Variants in VIPR1 observed in about 807,000 individuals in gnomAD.
VIPR1 encodes the protein vasoactive intestinal peptide receptor 1.
A neutral mutation model predicts 58.8 loss-of-function variants in VIPR1; 59 were observed. The observed-to-expected ratio is 1.00, with a 90% CI of 0.81 to 1.25. The LOEUF is 1.25. Ranked by LOEUF, VIPR1 falls within the 50% of genes most tolerant of loss-of-function variation. The pLI is 0.00. For synonymous variants in VIPR1, 251 were observed against 242.1 expected (o/e 1.04, Z -0.34); for missense variants, 626 against 602.7 (o/e 1.04, Z -0.40).
At chr3:42,510,508 G>C (rs984618044) in intron 1 of VIPR1, among the ~76,000 whole-genome samples, 3 of 152,190 alleles carry the variant, frequency 2.0e-5, no homozygotes, top group Admixed American at 2.0e-4. Context: ...ATAAGGACTA[G>C]AGGGAGCTGC....
Position 42,536,269 on chromosome 3 carries a change from C to T in VIPR1, c.1362C>T (p.Val454=). The change falls in exon 13 of 13, where the codon GTC becomes GTT. Residue 454 remains valine, a synonymous_variant. Transcript: ENST00000325123. ...ARRSSSFQAE[V]SLV ...GCTCCTCCAGCTTCCAAGCCGAAGTCTCCCTGGTCTGACCACCAGGATCCC... is the reference window on the plus strand; with the variant it reads ...GCTCCTCCAGCTTCCAAGCCGAAGTTTCCCTGGTCTGACCACCAGGATCCC... The T allele has an allele frequency of 6.4e-7, 1 of 1,565,890 alleles. No homozygotes were observed. The highest frequency in any genetic ancestry group is 1.2e-5 in the South Asian group (1 of 85,998).
In VIPR1 at chr3:42,525,927, G is replaced by A. The variant is rs34664814; in HGVS notation, c.333G>A (p.Thr111=). The A allele has an allele frequency of 3.1e-3, 5,069 of 1,613,520 alleles. 85 individuals are homozygous for A. The African/African-American group carries it at 0.048, about 15-fold the overall frequency. Reference sequence around the variant, plus strand: ...GCAGCTGCACCGACGAAGGCTGGACGCACCTGGAGCCTGGCCCGTACCCCA... The same window carrying A: ...GCAGCTGCACCGACGAAGGCTGGACACACCTGGAGCCTGGCCCGTACCCCA... ...VSRSCTDEGW[T]HLEPGPYPIA... Residue 111 remains threonine (T), a synonymous_variant, in exon 4 of 13, where the codon ACG becomes ACA. Transcript: ENST00000325123.
rs1701918887 is a variant in VIPR1 at position 42,537,532 on chromosome 3, T to A, written c.*1251T>A. 6.6e-6 allele frequency: 1 copy of A among 152,256 alleles called. No homozygotes were observed. Among genetic ancestry groups the A allele is most frequent in the African/African-American group, 2.4e-5 (1 of 41,446 alleles). The allele number at this position is 152,256 out of a possible 1,614,324, so 9.4% of individuals were successfully genotyped here. A position where few individuals can be genotyped will look rare whatever the true frequency, so the allele number is the denominator to read the frequency against. ...CTCTGCCAGAAGATCCCCTCAGGAC[T>A]GCAACAGGCTTGTGCAACAATAAAT... is the stretch of plus-strand genomic sequence containing the variant. On this transcript the variant is annotated 3_prime_UTR_variant, in exon 13 of 13. Coordinates refer to ENST00000325123, the MANE Select transcript of VIPR1 (RefSeq NM_004624.4).
intron 4 of VIPR1, 98 bp from the exon 5 acceptor site, chr3:42,527,295 G>C: frequency 3.5e-5 from 40 of 1,131,128 alleles, no homozygotes; most frequent in Non-Finnish European, 5.1e-5. Flanking sequence ...AGGCAGGGTT[G>C]GGCAGGCAGA....
At chr3:42,527,069 C>T (rs1391895187) in intron 4 of VIPR1, among the ~76,000 whole-genome samples, 2 of 152,148 alleles carry the variant, frequency 1.3e-5, no homozygotes, top group Admixed American at 6.5e-5. Flanking sequence ...AAGCCGGGCA[C>T]ATGGCTGGAG....
chr3:42,522,329 G>A (rs1449960582), intron 3 of VIPR1, among the ~76,000 whole-genome samples: 3 of 151,332 alleles, frequency 2.0e-5, no homozygotes, highest in Non-Finnish European at 2.9e-5. Context: ...GGATGGTCTC[G>A]ATCTCCTGAC....
At chr3:42,517,315 T>A (rs1340994708) in intron 2 of VIPR1, among the ~76,000 whole-genome samples, 1 of 152,254 alleles carries the variant, frequency 6.6e-6, no homozygotes, top group East Asian at 1.9e-4. Flanking sequence ...GGACCTGAGC[T>A]GGGCTGGGCT....
intron 6 of VIPR1, chr3:42,530,174 G>A (rs1701459178): frequency 6.5e-6 from 1 of 153,606 alleles, no homozygotes; most frequent in Non-Finnish European, 1.5e-5. Context: ...GGATGGGCAG[G>A]TTGGTGGATG....
upstream of VIPR1, among the ~76,000 whole-genome samples, chr3:42,498,733 C>A (rs1451683901): frequency 6.6e-6 from 1 of 152,134 alleles, no homozygotes; most frequent in Non-Finnish European, 1.5e-5. Flanking sequence ...AATCCCACAC[C>A]CAAGCAGTGC....
At chr3:42,513,882 T>C in intron 2 of VIPR1, 28 bp downstream of exon 2, 11 of 1,544,894 alleles carry the variant, frequency 7.1e-6, no homozygotes, top group Non-Finnish European at 9.6e-6. Context: ...AGAGAGGGGC[T>C]GCATGCCCCC....
At chr3:42,528,302 T>G in intron 6 of VIPR1, 179 bp downstream of exon 6, 6 of 748,856 alleles carry the variant, frequency 8.0e-6, no homozygotes, top group Non-Finnish European at 9.8e-6. Context: ...CAAATCACAC[T>G]CCCCTCCGGC....
At chr3:42,517,498 G>C (rs746842241) in intron 2 of VIPR1, among the ~76,000 whole-genome samples, 17 of 152,316 alleles carry the variant, frequency 1.1e-4, no homozygotes, top group Admixed American at 7.2e-4. Context: ...GATGGCATTT[G>C]CATGTGCCTA....
chr3:42,490,458 C>T (rs572847752), intron 1 of VIPR1, among the ~76,000 whole-genome samples: 1 of 152,308 alleles, frequency 6.6e-6, no homozygotes, highest in South Asian at 2.1e-4. Context: ...GCGAGAGAGG[C>T]GTGCATAGCT....
At chr3:42,496,229 C>CA (rs1169064479) in intron 1 of VIPR1, among the ~76,000 whole-genome samples, 7 of 151,024 alleles carry the variant, frequency 4.6e-5, no homozygotes, top group Admixed American at 4.0e-4. Flanking sequence ...GACTCCGTCT[C>CA]AAAAAAAAAG....
chr3:42,513,016 G>A (rs1245170450), intron 1 of VIPR1: 5 of 960,672 alleles, frequency 5.2e-6, no homozygotes, highest in Non-Finnish European at 6.2e-6. Context: ...GGGAGGGGAA[G>A]AGGAGAAGCT....
rs185592723 is a variant in VIPR1 at position 42,517,257 on chromosome 3, C to T, written c.185-1966C>T. 4.6e-3 allele frequency among the ~76,000 whole-genome samples: 700 copies of T among 152,374 alleles called. 6 individuals carry two copies. Among genetic ancestry groups the T allele is most frequent in the African/African-American group, 0.016 (659 of 41,596 alleles). ...GGCTCTTCCCCAAGTAAACACATCCCTCCACCTCCTCTTCCCAGACCCCCT... is the reference window on the plus strand; with the variant it reads ...GGCTCTTCCCCAAGTAAACACATCCTTCCACCTCCTCTTCCCAGACCCCCT... On this transcript the variant is annotated intron_variant, in intron 2 of 12. Transcript: ENST00000325123.
chr3:42,492,123 C>T (rs1248369187), intron 1 of VIPR1, among the ~76,000 whole-genome samples: 1 of 151,922 alleles, frequency 6.6e-6, no homozygotes, highest in Admixed American at 6.6e-5. Flanking sequence ...CTCCCAACTC[C>T]CTCCTCCCCT....
chr3:42,525,320 T>G (rs533565773), intron 3 of VIPR1, among the ~76,000 whole-genome samples: 1 of 152,214 alleles, frequency 6.6e-6, no homozygotes, highest in Admixed American at 6.5e-5. Flanking sequence ...TGCCATGCTG[T>G]GCTGCCTGAT....
chr3:42,522,101 A>ATATATATATATATATATATATATTTT (rs1419353370), intron 3 of VIPR1, among the ~76,000 whole-genome samples: 1 of 35,374 alleles, frequency 2.8e-5, no homozygotes, highest in African/African-American at 1.1e-4. Context: ...ATATATATAT[A>ATATATATATATATATATATATATTTT]TTTTTTTTTT....
Sources: gnomAD v4.1 joint callset for allele counts (sites outside exome capture counted in the v4.1 genomes callset) on GRCh38, gnomAD v4.1.1 for gene constraint, MANE v1.5 for transcripts, NCBI Gene and HGNC (gene_info 2026-07-23, HGNC 2026-07-21) for gene names.